Variants in CFTR observed in about 807,000 individuals in gnomAD.
CFTR encodes CF transmembrane conductance regulator, also known as cystic fibrosis transmembrane conductance regulator.
CFTR carries 181 observed loss-of-function variants against 171.6 expected under a neutral mutation model. The observed-to-expected ratio is 1.05, with a 90% CI of 0.93 to 1.19. CFTR has a LOEUF of 1.19. Ranked by LOEUF, CFTR falls within the 50% of genes most tolerant of loss-of-function variation. The probability of loss-of-function intolerance (pLI) is 0.00; values close to 1 mark genes in which losing one functional copy is unlikely to be tolerated. For missense variants in CFTR, 1,968 were observed against 1,734.7 expected, an observed-to-expected ratio of 1.13 and a Z score of -2.39; for synonymous variants, 583 against 608.0, an observed-to-expected ratio of 0.96 and a Z score of 0.60.
At chr7:117,595,729 A>T (rs1052460408) in intron 15 of CFTR, among the ~76,000 whole-genome samples, 2 of 151,882 alleles carry the variant, frequency 1.3e-5, no homozygotes, top group Admixed American at 6.6e-5. Flanking sequence ...CAAAATAATT[A>T]AAAAATTAGC....
At chr7:117,545,226 C>T (rs927038618) in intron 9 of CFTR, among the ~76,000 whole-genome samples, 7 of 152,166 alleles carry the variant, frequency 4.6e-5, no homozygotes, top group South Asian at 2.1e-4. Flanking sequence ...TTCACTATCA[C>T]GAGAATAGGA....
In CFTR at chr7:117,540,297, G is replaced by C. The variant is rs573808767; in HGVS notation, c.1067G>C (p.Trp356Ser). ...ATGGCGGTCACTCGGCAATTTCCCT[G>C]GGCTGTACAAACATGGTATGACTCT... ...LRMAVTRQFPWAVQTWYDSLG... is the reference protein window; with the variant it reads ...LRMAVTRQFPSAVQTWYDSLG... The change falls in exon 8 of 27, where the codon TGG becomes TCG. Residue 356 changes from tryptophan (W) to serine (S), a missense_variant. Transcript: ENST00000003084. 5.0e-6 allele frequency: 8 copies of C among 1,613,898 alleles called. No homozygotes were observed. In the South Asian group the frequency reaches 8.8e-5, roughly 18 times the overall value.
chr7:117,495,564 A>G (rs1017041904), intron 1 of CFTR, among the ~76,000 whole-genome samples: 1 of 152,168 alleles, frequency 6.6e-6, no homozygotes, highest in African/African-American at 2.4e-5. Flanking sequence ...ATCTGAAGTC[A>G]TAAATTCATA....
rs567276408 is a variant in CFTR, at chr7:117,606,772, C to G, written c.2988+19C>G. ...CATCCAGGTATGTAAAAATAAGTAC[C>G]GTTAAGTATGTCTGTATTATTAAAA... On this transcript the variant is annotated intron_variant, in intron 18 of 26. Coordinates refer to ENST00000003084, the MANE Select transcript of CFTR (RefSeq NM_000492.4). 2 of 1,279,168 alleles carry G rather than the reference C, an allele frequency of 1.6e-6. No individual in the cohort carries two copies. Among genetic ancestry groups the G allele is most frequent in the Non-Finnish European group, 2.3e-6 (2 of 875,426 alleles). 79.2% of individuals were successfully genotyped at this position (1,279,168 alleles called of 1,614,324 possible). A position where few individuals can be genotyped will look rare whatever the true frequency, so the allele number is the denominator to read the frequency against.
intron 18 of CFTR, among the ~76,000 whole-genome samples, chr7:117,608,241 G>A (rs528473433): frequency 1.3e-5 from 2 of 151,918 alleles, no homozygotes; most frequent in African/African-American, 4.8e-5. Flanking sequence ...GTCTCACTCT[G>A]TTGCCCAGGC....
At chr7:117,494,878 C>T (rs937738891) in intron 1 of CFTR, among the ~76,000 whole-genome samples, 5 of 152,124 alleles carry the variant, frequency 3.3e-5, no homozygotes, top group Admixed American at 1.3e-4. Flanking sequence ...CTCTCAGCTA[C>T]GAATGGACAT....
rs56020461 is a variant in CFTR at position 117,508,060 on chromosome 7, G to A, written c.165-974G>A. ...CAAAGTGTTGGGATTAGTGGCGTGA[G>A]CCACTGCCCCGGCCTATTACTCCTT... On this transcript the variant is annotated intron_variant, in intron 2 of 26. Transcript: ENST00000003084. Among the ~76,000 whole-genome samples the A allele has an allele frequency of 3.1e-3, 478 of 152,338 alleles. 2 individuals carry two copies. The highest frequency in any genetic ancestry group is 0.011 in the African/African-American group (450 of 41,590).
At chr7:117,582,925 T>C (rs922055104) in intron 11 of CFTR, among the ~76,000 whole-genome samples, 12 of 152,164 alleles carry the variant, frequency 7.9e-5, no homozygotes, top group African/African-American at 2.7e-4. Context: ...TGAGTTCACA[T>C]GAACTCTTCT....
At chr7:117,612,041 A>ATAG (rs1562915135) in intron 20 of CFTR, among the ~76,000 whole-genome samples, 8 of 74,062 alleles carry the variant, frequency 1.1e-4, no homozygotes, top group Non-Finnish European at 1.4e-4. Flanking sequence ...ATATATATAT[A>ATAG]TATATATATA....
intron 8 of CFTR, among the ~76,000 whole-genome samples, chr7:117,541,666 C>T (rs1355414803): frequency 6.6e-6 from 1 of 151,880 alleles, no homozygotes; most frequent in Non-Finnish European, 1.5e-5. Flanking sequence ...TTTCTCCGTC[C>T]AATGTTGGAT....
intron 10 of CFTR, among the ~76,000 whole-genome samples, chr7:117,550,784 C>G (rs2115910347): frequency 6.6e-6 from 1 of 152,172 alleles, no homozygotes; most frequent in Non-Finnish European, 1.5e-5. Context: ...GCTGACAGTG[C>G]AGTTATAGCT....
intron 1 of CFTR, among the ~76,000 whole-genome samples, chr7:117,501,995 C>T (rs1383437653): frequency 2.6e-5 from 4 of 152,096 alleles, no homozygotes; most frequent in Non-Finnish European, 4.4e-5. Context: ...TATTTGGTTG[C>T]TTTAAAATGA....
intron 11 of CFTR, among the ~76,000 whole-genome samples, chr7:117,583,316 C>A (rs753523559): frequency 6.9e-6 from 1 of 145,888 alleles, no homozygotes; most frequent in Non-Finnish European, 1.5e-5. Context: ...GTCTTTTATC[C>A]CCCCCCCGCT....
At chr7:117,601,874 GT>G (rs1562911001) in intron 15 of CFTR, among the ~76,000 whole-genome samples, 1 of 152,144 alleles carries the variant, frequency 6.6e-6, no homozygotes, top group African/African-American at 2.4e-5. Context: ...GTTTAAAAAG[GT>G]TTTTTGTTTG....
chr7:117,608,683 ATAAT>A, intron 18 of CFTR, among the ~76,000 whole-genome samples: 1 of 152,286 alleles, frequency 6.6e-6, no homozygotes, highest in East Asian at 1.9e-4. Flanking sequence ...ATTTTGTTAA[ATAAT>A]TAATCACAGG....
intron 2 of CFTR, among the ~76,000 whole-genome samples, chr7:117,506,220 G>A (rs1798414274): frequency 6.6e-6 from 1 of 152,040 alleles, no homozygotes; most frequent in African/African-American, 2.4e-5. Context: ...AATATAATGG[G>A]TATTGAATAT....
At position 117,559,637 on chromosome 7, in the gene CFTR, A is replaced by C; in HGVS notation, c.1566A>C (p.Lys522Asn). 6.2e-7 allele frequency: 1 copy of C among 1,613,074 alleles called. No individual in the cohort carries two copies. Among genetic ancestry groups the C allele is most frequent in the East Asian group, 2.2e-5 (1 of 44,794 alleles). Reference protein sequence around the residue: ...YDEYRYRSVIKACQLEEDISK... With the variant: ...YDEYRYRSVINACQLEEDISK... ...AATATAGATACAGAAGCGTCATCAA[A>C]GCATGCCAACTAGAAGAGGTAAGAA... The change falls in exon 11 of 27, where the codon AAA (lysine) becomes AAC (asparagine). Residue 522 changes from lysine to asparagine, a missense_variant. Lys to Asn is a moderately conservative substitution (Grantham distance 94). Transcript: ENST00000003084.
In CFTR at chr7:117,530,895, G is replaced by A. The variant is rs1171752802; in HGVS notation, c.274-4G>A. 6.3e-7 allele frequency: 1 copy of A among 1,593,538 alleles called. No individual in the cohort carries two copies. The highest frequency in any genetic ancestry group is 8.6e-7 in the Non-Finnish European group (1 of 1,162,234). ...TTAATTTCTCTGTTTTTCCCCTTTT[G>A]TAGGAAGTCACCAAAGCAGTACAGC... is the stretch of plus-strand genomic sequence containing the variant. On this transcript the variant is annotated splice_region_variant and splice_polypyrimidine_tract_variant and intron_variant, in intron 3 of 26. Coordinates refer to ENST00000003084, the MANE Select transcript of CFTR (RefSeq NM_000492.4).
In CFTR at chr7:117,587,827, T is replaced by C. The variant is rs193922504; in HGVS notation, c.1673T>C (p.Leu558Ser). The C allele has an allele frequency of 1.3e-6, 2 of 1,583,114 alleles. No homozygotes were observed. Among genetic ancestry groups the C allele is most frequent in the Admixed American group, 1.7e-5 (1 of 59,826 alleles). ...GGAGGTCAACGAGCAAGAATTTCTTTAGCAAGGTGAATAACTAATTATTGG... is the reference window on the plus strand; with the variant it reads ...GGAGGTCAACGAGCAAGAATTTCTTCAGCAAGGTGAATAACTAATTATTGG... ...LSGGQRARISLARAVYKDADL... is the reference protein window; with the variant it reads ...LSGGQRARISSARAVYKDADL... The change falls in exon 12 of 27, where the codon TTA becomes TCA. Residue 558 changes from leucine to serine, a missense_variant. Transcript: ENST00000003084.
Sources: gnomAD v4.1 joint callset for allele counts (sites outside exome capture counted in the v4.1 genomes callset) on GRCh38, gnomAD v4.1.1 for gene constraint, MANE v1.5 for transcripts, NCBI Gene and HGNC (gene_info 2026-07-23, HGNC 2026-07-21) for gene names.